SLC27A2: variants seen among roughly 807,000 people sequenced by gnomAD.
SLC27A2 encodes the protein solute carrier family 27 member 2.
In SLC27A2, 54 loss-of-function variants were observed where a neutral mutation model predicts 60.0. That is an observed-to-expected ratio of 0.90 (90% confidence interval 0.72 to 1.13). The LOEUF (loss-of-function observed/expected upper bound fraction) is 1.13. Among genes scored for constraint, SLC27A2 ranks in the 50% most tolerant of loss-of-function variants. The pLI, the probability that SLC27A2 is intolerant of heterozygous loss-of-function variation, is 0.00. For missense variants in SLC27A2, 739 were observed against 777.6 expected, an observed-to-expected ratio of 0.95 and a Z score of 0.59; for synonymous variants, 297 against 297.6, an observed-to-expected ratio of 1.00 and a Z score of 0.02.
chr15:50,201,803 C>T (rs573356450), intron 2 of SLC27A2, among the ~76,000 whole-genome samples: 1 of 152,250 alleles, frequency 6.6e-6, no homozygotes, highest in Non-Finnish European at 1.5e-5. Flanking sequence ...GATCCGCCCG[C>T]CTCAGCCTCC....
At chr15:50,199,181 T>A (rs1460868069) in intron 2 of SLC27A2, among the ~76,000 whole-genome samples, 1 of 152,218 alleles carries the variant, frequency 6.6e-6, no homozygotes, top group African/African-American at 2.4e-5. Flanking sequence ...TAAATGTTTA[T>A]AACTTTGTTA....
At chr15:50,185,229 A>G (rs2044911126) in intron 1 of SLC27A2, among the ~76,000 whole-genome samples, 1 of 152,240 alleles carries the variant, frequency 6.6e-6, no homozygotes, top group Non-Finnish European at 1.5e-5. Flanking sequence ...TGTCTGCCAT[A>G]GAGCTATGTG....
At chr15:50,215,850 A>G (rs756088426) in intron 4 of SLC27A2, among the ~76,000 whole-genome samples, 1 of 152,232 alleles carries the variant, frequency 6.6e-6, no homozygotes, top group Non-Finnish European at 1.5e-5. Context: ...ACGCGAAACT[A>G]TAAAAATTCT....
chr15:50,228,981 T>C lies in SLC27A2; in HGVS notation c.1494T>C (p.Ala498=). 6.2e-7 allele frequency: 1 copy of C among 1,614,104 alleles called. No individual in the cohort carries two copies. Among genetic ancestry groups the C allele is most frequent in the Non-Finnish European group, 8.5e-7 (1 of 1,179,928 alleles). ...AAAATGTGGCCACCACTGAAGTTGCTGATACAGTTGGACTGGTTGATTTTG... is the reference window on the plus strand; with the variant it reads ...AAAATGTGGCCACCACTGAAGTTGCCGATACAGTTGGACTGGTTGATTTTG... ...KGENVATTEV[A]DTVGLVDFVQ... The change falls in exon 8 of 10, where the codon GCT becomes GCC. Residue 498 remains alanine (A), a synonymous_variant. Coordinates refer to ENST00000267842, the MANE Select transcript of SLC27A2 (RefSeq NM_003645.4).
chr15:50,219,449 T>TG lies in SLC27A2; in HGVS notation c.973-3510dup, dbSNP rs568241636. On this transcript the variant is annotated intron_variant, in intron 4 of 9. Coordinates refer to ENST00000267842, the MANE Select transcript of SLC27A2 (RefSeq NM_003645.4). ...TTTTTTTCCTTTTTTCTTTTTTTTG[T>TG]GGGGGGTGGAATTTATTGGTGGGCA... Among the ~76,000 whole-genome samples the TG allele has an allele frequency of 1.5e-4, 23 of 151,628 alleles. No individual in the cohort carries two copies. The South Asian group carries it at 4.4e-3, about 29-fold the overall frequency.
At chr15:50,227,843 G>A (rs1276065991) in intron 7 of SLC27A2, among the ~76,000 whole-genome samples, 2 of 152,166 alleles carry the variant, frequency 1.3e-5, no homozygotes, top group Non-Finnish European at 2.9e-5. Context: ...GGAAGGGATG[G>A]AAGTTGTCTA....
chr15:50,210,624 G>A (rs1318332823), intron 4 of SLC27A2, among the ~76,000 whole-genome samples: 2 of 152,188 alleles, frequency 1.3e-5, no homozygotes, highest in Non-Finnish European at 2.9e-5. Flanking sequence ...TTTGAACGGG[G>A]CAAGAAGACT....
chr15:50,212,303 A>G (rs924867753), intron 4 of SLC27A2, among the ~76,000 whole-genome samples: 13 of 152,184 alleles, frequency 8.5e-5, no homozygotes, highest in Admixed American at 5.9e-4. Context: ...TAGGATTAAA[A>G]GACCAAACCT....
intron 8 of SLC27A2, among the ~76,000 whole-genome samples, chr15:50,232,361 C>G (rs2045321656): frequency 6.6e-6 from 1 of 152,184 alleles, no homozygotes; most frequent in Admixed American, 6.5e-5. Context: ...CTATGGAACA[C>G]TTGAAATGTG....
At chr15:50,215,927 G>A (rs960870568) in intron 4 of SLC27A2, among the ~76,000 whole-genome samples, 2 of 152,102 alleles carry the variant, frequency 1.3e-5, no homozygotes, top group East Asian at 1.9e-4. Context: ...CCAAGAACCC[G>A]AAAGCAAATG....
At chr15:50,186,168 CG>C in intron 1 of SLC27A2, among the ~76,000 whole-genome samples, 1 of 152,002 alleles carries the variant, frequency 6.6e-6, no homozygotes, top group African/African-American at 2.4e-5. Context: ...TGCTTGAGCC[CG>C]GGAGGTTGAG....
intron 4 of SLC27A2, among the ~76,000 whole-genome samples, chr15:50,214,685 A>G (rs1163805623): frequency 6.6e-6 from 1 of 152,234 alleles, no homozygotes; most frequent in Non-Finnish European, 1.5e-5. Flanking sequence ...AATAAATGTG[A>G]TACAACACAT....
intron 1 of SLC27A2, among the ~76,000 whole-genome samples, chr15:50,193,461 G>C (rs575178587): frequency 4.6e-5 from 7 of 152,314 alleles, no homozygotes; most frequent in African/African-American, 1.7e-4. Context: ...GGGAGGGAAT[G>C]AGAATGGATC....
At chr15:50,212,575 T>G (rs929232163) in intron 4 of SLC27A2, among the ~76,000 whole-genome samples, 1 of 152,184 alleles carries the variant, frequency 6.6e-6, no homozygotes, top group South Asian at 2.1e-4. Flanking sequence ...GAAAACCTAT[T>G]AGATTAACAG....
intron 4 of SLC27A2, among the ~76,000 whole-genome samples, chr15:50,216,610 GTATATATATATATATATA>G (rs59683706): frequency 0.02 from 1,324 of 66,500 alleles, 38 homozygotes; most frequent in East Asian, 0.18. Context: ...GTGTGTGTGT[GTATATATATATATATATA>G]TATATATATA....
At chr15:50,192,902 G>A (rs1217029957) in intron 1 of SLC27A2, among the ~76,000 whole-genome samples, 1 of 150,892 alleles carries the variant, frequency 6.6e-6, no homozygotes, top group African/African-American at 2.4e-5. Context: ...AAAAAAGACT[G>A]TTGCTAAGTC....
chr15:50,222,243 TC>T (rs879438230), intron 4 of SLC27A2, among the ~76,000 whole-genome samples: 10 of 152,036 alleles, frequency 6.6e-5, no homozygotes, highest in Non-Finnish European at 1.5e-4. Flanking sequence ...GCCTCCTCCT[TC>T]TCTTCCCCTC....
At chr15:50,229,208 C>T (rs946023410) in intron 8 of SLC27A2, among the ~76,000 whole-genome samples, 166 bp downstream of exon 8, 2 of 152,200 alleles carry the variant, frequency 1.3e-5, no homozygotes, top group Non-Finnish European at 1.5e-5. Flanking sequence ...ACTATAAAAG[C>T]CAACTCAGTG....
At chr15:50,203,535 A>G (rs760111643) in intron 3 of SLC27A2, among the ~76,000 whole-genome samples, 5 of 152,180 alleles carry the variant, frequency 3.3e-5, no homozygotes, top group Non-Finnish European at 7.4e-5. Flanking sequence ...AGCTATATGT[A>G]ACTTTCTGAC....
Sources: allele counts gnomAD v4.1 joint callset (sites outside exome capture counted in the v4.1 genomes callset), GRCh38; gene constraint gnomAD v4.1.1; transcripts MANE v1.5; gene names NCBI Gene and HGNC (gene_info 2026-07-23, HGNC 2026-07-21).